Variants in MYPN observed in about 807,000 individuals in gnomAD.
MYPN encodes myopalladin.
Under a neutral mutation model 129.4 loss-of-function variants are expected in MYPN, and 63 were observed. That is an observed-to-expected ratio of 0.49 (90% CI 0.40 to 0.60). The LOEUF is 0.60. Among genes scored for constraint, MYPN ranks in the 20% least tolerant of loss-of-function variants. The probability of loss-of-function intolerance (pLI) is 0.00; values close to 1 mark genes in which losing one functional copy is unlikely to be tolerated. For missense variants in MYPN, 1,596 were observed against 1,635.4 expected (o/e 0.98, Z 0.42); for synonymous variants, 629 against 600.9 (o/e 1.05, Z -0.68).
chr10:68,210,751 C>T lies in MYPN; in HGVS notation c.*296C>T. 1 of 512,468 alleles carries T rather than the reference C, an allele frequency of 2.0e-6. No homozygotes were observed. The highest frequency in any genetic ancestry group is 3.8e-6 in the Non-Finnish European group (1 of 264,846). The allele number at this position is 512,468 out of a possible 1,614,324, so 31.7% of individuals were successfully genotyped here. On this transcript the variant is annotated 3_prime_UTR_variant, in exon 20 of 20. Coordinates refer to ENST00000358913, the MANE Select transcript of MYPN (RefSeq NM_032578.4). ...GGGAAAAAACTAGCATGCTCCCCTG[C>T]TCCCTGTTGTGTTAGGGATGTTTAG...
chr10:68,201,243 G>A (rs1349609710), intron 17 of MYPN, among the ~76,000 whole-genome samples: 2 of 152,190 alleles, frequency 1.3e-5, no homozygotes, highest in Admixed American at 6.5e-5. Flanking sequence ...CCATGCGAAC[G>A]ACCCAGATCC....
At chr10:68,208,619 A>G (rs142866277) in intron 19 of MYPN, among the ~76,000 whole-genome samples, 84 of 152,234 alleles carry the variant, frequency 5.5e-4, no homozygotes, top group African/African-American at 1.9e-3. Context: ...TCTTGTGCCA[A>G]TCCTGCCCTC....
At chr10:68,123,322 T>C (rs755122747) in intron 2 of MYPN, among the ~76,000 whole-genome samples, 5 of 151,900 alleles carry the variant, frequency 3.3e-5, no homozygotes, top group Non-Finnish European at 5.9e-5. Context: ...GAGGTTGTAG[T>C]GAGCCGAGAT....
intron 2 of MYPN, among the ~76,000 whole-genome samples, chr10:68,122,654 C>A (rs1445163043): frequency 1.3e-5 from 2 of 152,134 alleles, no homozygotes; most frequent in Non-Finnish European, 2.9e-5. Flanking sequence ...GTAATCTCAG[C>A]ATTTTGGGAG....
Position 68,206,634 on chromosome 10 carries a change from T to C in MYPN, c.3660-136T>C, listed in dbSNP as rs879930041. 30 of 1,175,746 alleles carry C rather than the reference T, an allele frequency of 2.6e-5. 1 individual carries two copies. Among genetic ancestry groups the C allele is most frequent in the African/African-American group, 2.4e-4 (16 of 66,252 alleles). The allele number at this position is 1,175,746 out of a possible 1,614,324, so 72.8% of individuals were successfully genotyped here. A position where few individuals can be genotyped will look rare whatever the true frequency, so the allele number is the denominator to read the frequency against. On this transcript the variant is annotated intron_variant, in intron 18 of 19. Coordinates refer to ENST00000358913, the MANE Select transcript of MYPN (RefSeq NM_032578.4). ...ATGATTAAGCTCACTGCTGCTCTTC[T>C]TTGACGTCTTCCACCTTCAAATTTG...
At chr10:68,178,478 G>C (rs1485242241) in intron 12 of MYPN, among the ~76,000 whole-genome samples, 1 of 152,060 alleles carries the variant, frequency 6.6e-6, no homozygotes. Context: ...ACTTTGGGAG[G>C]CCGAGACAGG....
chr10:68,205,759 T>C (rs1358659381), intron 18 of MYPN, among the ~76,000 whole-genome samples: 3 of 152,158 alleles, frequency 2.0e-5, no homozygotes, highest in African/African-American at 7.2e-5. Context: ...CACCTAGCAT[T>C]TTCCCCAACA....
intron 2 of MYPN, among the ~76,000 whole-genome samples, chr10:68,141,445 A>G (rs1339449645): frequency 1.3e-5 from 2 of 152,100 alleles, no homozygotes; most frequent in Admixed American, 1.3e-4. Flanking sequence ...GTTAGATCTA[A>G]ATTACAGTAA....
Position 68,174,320 on chromosome 10 carries a change from C to A in MYPN, c.2228C>A (p.Pro743Gln), listed in dbSNP as rs138583865. The A allele has an allele frequency of 5.0e-6, 8 of 1,614,028 alleles. No homozygotes were observed. Among genetic ancestry groups the A allele is most frequent in the Middle Eastern group, 1.6e-4 (1 of 6,084 alleles). ...TAATVAPSSS[P>Q]VFTLSSTPQT... ...GCAACTGTGGCCCCTTCCAGCTCTC[C>A]GGTGTTCACTTTGAGCAGCACTCCT... is the stretch of plus-strand genomic sequence containing the variant. Residue 743 changes from proline (P) to glutamine (Q), a missense_variant, in exon 11 of 20, where the codon CCG becomes CAG. Transcript: ENST00000358913.
chr10:68,200,335 G>C (rs983965370), intron 17 of MYPN, among the ~76,000 whole-genome samples: 2 of 152,164 alleles, frequency 1.3e-5, no homozygotes, highest in East Asian at 3.8e-4. Flanking sequence ...TGATGTGAAT[G>C]AAACACTGTA....
intron 12 of MYPN, among the ~76,000 whole-genome samples, chr10:68,185,005 G>A (rs1269624314): frequency 6.6e-6 from 1 of 152,132 alleles, no homozygotes; most frequent in Non-Finnish European, 1.5e-5. Context: ...ATAACTTGGT[G>A]ATGATGGAAA....
rs77243223 is a variant in MYPN, at chr10:68,210,799, G to A, written c.*344G>A. 1,823 of 471,112 alleles carry A rather than the reference G, an allele frequency of 3.9e-3. 17 individuals are homozygous for A. Among genetic ancestry groups the A allele is most frequent in the African/African-American group, 0.016 (826 of 50,894 alleles). The allele number at this position is 471,112 out of a possible 1,614,324, so 29.2% of individuals were successfully genotyped here. ...TAGGTCATACTAGGAGCAATTAGGA[G>A]CCATATGCCTGGGCTGAGAAGAGCT... On this transcript the variant is annotated 3_prime_UTR_variant, in exon 20 of 20. Coordinates refer to ENST00000358913, the MANE Select transcript of MYPN (RefSeq NM_032578.4).
At chr10:68,151,216 A>G (rs1394209620) in intron 6 of MYPN, among the ~76,000 whole-genome samples, 1 of 152,230 alleles carries the variant, frequency 6.6e-6, no homozygotes, top group Non-Finnish European at 1.5e-5. Context: ...CACAGCTTCT[A>G]CAGAAGCATC....
intron 13 of MYPN, among the ~76,000 whole-genome samples, chr10:68,193,700 A>G (rs1369425775): frequency 2.6e-5 from 4 of 152,132 alleles, no homozygotes; most frequent in Non-Finnish European, 5.9e-5. Context: ...AAAGTAGAGG[A>G]GGACAGCTGT....
chr10:68,194,345 G>A lies in MYPN; in HGVS notation c.2926-18G>A, dbSNP rs1237845579. On this transcript the variant is annotated intron_variant, in intron 13 of 19. Transcript: ENST00000358913. Reference sequence around the variant, plus strand: ...AGATAAACAAAACAGTGTACATCTTGATAATTTTTCATTTCAGGTTTACTG... The same window carrying A: ...AGATAAACAAAACAGTGTACATCTTAATAATTTTTCATTTCAGGTTTACTG... 2 of 1,611,598 alleles carry A rather than the reference G, an allele frequency of 1.2e-6. No individual in the cohort carries two copies. The highest frequency in any genetic ancestry group is 1.7e-6 in the Non-Finnish European group (2 of 1,178,626).
At chr10:68,141,061 C>T (rs1024422790) in intron 2 of MYPN, among the ~76,000 whole-genome samples, 29 of 150,668 alleles carry the variant, frequency 1.9e-4, no homozygotes, top group African/African-American at 6.8e-4. Flanking sequence ...AGAGTGAGAC[C>T]CTTCCTCCAC....
chr10:68,143,213 C>A, intron 3 of MYPN, 98 bp downstream of exon 3: 1 of 1,188,490 alleles, frequency 8.4e-7, no homozygotes, highest in Non-Finnish European at 1.2e-6. Context: ...ATGCGCTCTT[C>A]TAGGCAATGA....
chr10:68,197,363 G>T lies in MYPN; in HGVS notation c.3170G>T (p.Arg1057Leu), dbSNP rs150414382. 1 of 1,613,498 alleles carries T rather than the reference G, an allele frequency of 6.2e-7. No homozygotes were observed. Residue 1057 changes from arginine (R) to leucine (L), a missense_variant, in exon 16 of 20, where the codon CGA becomes CTA. By Grantham distance (102) the Arg-to-Leu change is moderately radical. Coordinates refer to ENST00000358913, the MANE Select transcript of MYPN (RefSeq NM_032578.4). ...SAGQSHRGRS[R>L]VQERDKEPLQ... ...GCTTGTTGTTATAGGGGAAGATCCC[G>T]AGTGCAAGAAAGAGACAAAGAGCCC...
chr10:68,089,549 G>A (rs866730598), intron 1 of MYPN, among the ~76,000 whole-genome samples: 45 of 152,100 alleles, frequency 3.0e-4, no homozygotes, highest in Admixed American at 2.4e-3. Context: ...GTTTCACCGT[G>A]TTAGCCAGGC....
Sources: gnomAD v4.1 joint callset for allele counts (sites outside exome capture counted in the v4.1 genomes callset) on GRCh38, gnomAD v4.1.1 for gene constraint, MANE v1.5 for transcripts, NCBI Gene and HGNC (gene_info 2026-07-23, HGNC 2026-07-21) for gene names.